TMC1: variants seen among roughly 807,000 people sequenced by gnomAD.
The protein encoded by TMC1 is transmembrane channel-like protein 1.
TMC1 carries 84 observed loss-of-function variants against 105.8 expected under a neutral mutation model. That is an observed-to-expected ratio of 0.79 (90% CI 0.67 to 0.95). The LOEUF (loss-of-function observed/expected upper bound fraction) is 0.95. Among genes scored for constraint, TMC1 ranks in the 40% least tolerant of loss-of-function variants. TMC1 has a pLI of 0.00. For synonymous variants in TMC1, 315 were observed against 311.5 expected (o/e 1.01, Z -0.12); for missense variants, 817 against 914.1 (o/e 0.89, Z 1.37).
At chr9:72,755,386 T>C (rs1268430637) in intron 12 of TMC1, among the ~76,000 whole-genome samples, 1 of 152,208 alleles carries the variant, frequency 6.6e-6, no homozygotes, top group Non-Finnish European at 1.5e-5. Flanking sequence ...AAGCCTCCTA[T>C]TTAGTATTAC....
chr9:72,685,180 C>T (rs1425586251), intron 5 of TMC1, among the ~76,000 whole-genome samples: 1 of 143,358 alleles, frequency 7.0e-6, no homozygotes, highest in African/African-American at 2.6e-5. Flanking sequence ...TATCTCAGCT[C>T]ACTGCAAGCT....
At chr9:72,727,340 G>A (rs1211226821) in intron 8 of TMC1, among the ~76,000 whole-genome samples, 1 of 151,980 alleles carries the variant, frequency 6.6e-6, no homozygotes, top group Non-Finnish European at 1.5e-5. Flanking sequence ...CTGTAGAAAG[G>A]AATTCATATA....
chr9:72,641,043 T>A (rs376603547), intron 4 of TMC1, among the ~76,000 whole-genome samples: 1 of 152,208 alleles, frequency 6.6e-6, no homozygotes. Context: ...ATTATGTTTG[T>A]GGGTATAGCC....
At chr9:72,822,009 C>T (rs1198580993) in intron 20 of TMC1, among the ~76,000 whole-genome samples, 1 of 152,206 alleles carries the variant, frequency 6.6e-6, no homozygotes, top group East Asian at 1.9e-4. Flanking sequence ...TCGAGAGTCA[C>T]AACGGCTCCT....
At chr9:72,605,552 T>G (rs554068540) in intron 2 of TMC1, among the ~76,000 whole-genome samples, 1 of 151,764 alleles carries the variant, frequency 6.6e-6, no homozygotes, top group East Asian at 1.9e-4. Context: ...GAGTGAAAAT[T>G]TATAAGCATT....
chr9:72,653,240 A>ACAGAACAATTATTGAAATAAAACCAGAG (rs1825839679), intron 5 of TMC1, among the ~76,000 whole-genome samples: 1 of 152,212 alleles, frequency 6.6e-6, no homozygotes, highest in Admixed American at 6.5e-5. Flanking sequence ...TGGGGAAAGT[A>ACAGAACAATTATTGAAATAAAACCAGAG]CAGAACAATT....
At chr9:72,660,118 T>C (rs1237787632) in intron 5 of TMC1, among the ~76,000 whole-genome samples, 1 of 152,114 alleles carries the variant, frequency 6.6e-6, no homozygotes, top group African/African-American at 2.4e-5. Context: ...TCTCCTTTGC[T>C]TAAAGTGTGA....
intron 4 of TMC1, among the ~76,000 whole-genome samples, chr9:72,645,503 A>G (rs1825695464): frequency 6.6e-6 from 1 of 152,210 alleles, no homozygotes. Flanking sequence ...AGCAAAGATC[A>G]TGGCAACAGT....
chr9:72,791,834 A>G (rs1828272245), intron 15 of TMC1, 52 bp from the exon 16 acceptor site: 1 of 1,529,546 alleles, frequency 6.5e-7, no homozygotes, highest in Non-Finnish European at 9.0e-7. Flanking sequence ...GCAAAAAGCA[A>G]TAATAACTTT....
At chr9:72,685,100 CTTTTTTTTTTTTTTTTT>C (rs71359515) in intron 5 of TMC1, among the ~76,000 whole-genome samples, 2 of 91,064 alleles carry the variant, frequency 2.2e-5, no homozygotes, top group Non-Finnish European at 4.0e-5. Context: ...TAAAGTCATT[CTTTTTTTTTTTTTTTTT>C]TTTTTTTGAG....
chr9:72,558,768 G>A (rs1053404138), intron 1 of TMC1, among the ~76,000 whole-genome samples: 3 of 152,056 alleles, frequency 2.0e-5, no homozygotes, highest in South Asian at 4.2e-4. Flanking sequence ...TTGCAGAGTC[G>A]GATGCAGCAA....
At chr9:72,724,743 G>A (rs55736923) in intron 8 of TMC1, among the ~76,000 whole-genome samples, 3,555 of 152,126 alleles carry the variant, frequency 0.023, 58 homozygotes, top group Middle Eastern at 0.051. Context: ...AATTTTCTGA[G>A]CTTGCCAGGG....
chr9:72,623,721 C>G (rs910520643), intron 3 of TMC1, among the ~76,000 whole-genome samples: 1 of 152,134 alleles, frequency 6.6e-6, no homozygotes, highest in African/African-American at 2.4e-5. Context: ...AAGGTAATTT[C>G]CCAGGCCCAC....
intron 8 of TMC1, among the ~76,000 whole-genome samples, chr9:72,726,839 A>G (rs1394316138): frequency 1.3e-5 from 2 of 152,252 alleles, no homozygotes; most frequent in Non-Finnish European, 2.9e-5. Flanking sequence ...AACATTTAGA[A>G]GAATATAAGC....
chr9:72,642,346 T>G (rs546804206), intron 4 of TMC1, among the ~76,000 whole-genome samples: 1 of 152,206 alleles, frequency 6.6e-6, no homozygotes, highest in Non-Finnish European at 1.5e-5. Context: ...ACTTCCTGTT[T>G]CATTCCTATA....
intron 5 of TMC1, among the ~76,000 whole-genome samples, chr9:72,680,502 T>C (rs1053074184): frequency 6.6e-6 from 1 of 152,288 alleles, no homozygotes; most frequent in African/African-American, 2.4e-5. Flanking sequence ...TTATTCTAGT[T>C]AATGACTTGC....
Position 72,836,214 on chromosome 9 carries a change from T to G in TMC1, c.*241T>G. ...GAGCCACTCTCTCCCCTGCTCCATT[T>G]CGTGACTTTTTTTTTTTTTTTAACA... On this transcript the variant is annotated 3_prime_UTR_variant, in exon 24 of 24. Coordinates refer to ENST00000297784, the MANE Select transcript of TMC1 (RefSeq NM_138691.3). 1 of 563,714 alleles carries G rather than the reference T, an allele frequency of 1.8e-6. No individual in the cohort carries two copies. The highest frequency in any genetic ancestry group is 3.1e-5 in the Admixed American group (1 of 31,854). 34.9% of individuals were successfully genotyped at this position (563,714 alleles called of 1,614,324 possible). A position where few individuals can be genotyped will look rare whatever the true frequency, so the allele number is the denominator to read the frequency against.
chr9:72,693,191 AT>A (rs1409433252), intron 6 of TMC1, among the ~76,000 whole-genome samples: 1 of 152,088 alleles, frequency 6.6e-6, no homozygotes, highest in Non-Finnish European at 1.5e-5. Flanking sequence ...TATATGTAAT[AT>A]TTAGATCTTA....
chr9:72,565,644 G>T (rs1199717655), intron 1 of TMC1, among the ~76,000 whole-genome samples: 1 of 152,104 alleles, frequency 6.6e-6, no homozygotes, highest in East Asian at 1.9e-4. Flanking sequence ...AAATGCCCGA[G>T]ACGGTAATTT....
Sources: allele counts gnomAD v4.1 joint callset (sites outside exome capture counted in the v4.1 genomes callset), GRCh38; gene constraint gnomAD v4.1.1; transcripts MANE v1.5; gene names NCBI Gene and HGNC (gene_info 2026-07-23, HGNC 2026-07-21).